The following NTM variants were observed in gnomAD, a reference collection of about 807,000 sequenced individuals.
NTM encodes neurotrimin.
NTM carries 13 observed loss-of-function variants against 42.1 expected under a neutral mutation model. The observed-to-expected ratio is 0.31, with a 90% CI of 0.20 to 0.49. The LOEUF (loss-of-function observed/expected upper bound fraction) is 0.49, where lower values mean the gene tolerates loss of function less well. Ranked by LOEUF, NTM falls within the 20% of genes least tolerant of loss-of-function variation. NTM has a pLI of 0.99. For synonymous variants in NTM, 187 were observed against 179.2 expected (o/e 1.04, Z -0.35); for missense variants, 373 against 452.8 (o/e 0.82, Z 1.60).
intron 1 of NTM, among the ~76,000 whole-genome samples, chr11:131,907,922 A>C (rs555021945): frequency 6.6e-6 from 1 of 152,334 alleles, no homozygotes; most frequent in African/African-American, 2.4e-5. Context: ...ATCTTTTCAA[A>C]CCACTTCAAT....
chr11:131,992,422 A>C (rs1315522666), intron 2 of NTM, among the ~76,000 whole-genome samples: 1 of 151,720 alleles, frequency 6.6e-6, no homozygotes, highest in Non-Finnish European at 1.5e-5. Flanking sequence ...TTTCAACTGC[A>C]TGGGGGTCCA....
chr11:132,091,471 T>G (rs1328199456), intron 2 of NTM, among the ~76,000 whole-genome samples: 1 of 152,058 alleles, frequency 6.6e-6, no homozygotes, highest in Admixed American at 6.6e-5. Flanking sequence ...TTTCTCAATT[T>G]TAACACATAC....
intron 1 of NTM, among the ~76,000 whole-genome samples, chr11:131,587,120 A>G (rs753178494): frequency 6.6e-6 from 1 of 152,122 alleles, no homozygotes; most frequent in Non-Finnish European, 1.5e-5. Context: ...CATGCTCTGG[A>G]GTGAGTTCTG....
At chr11:131,644,028 A>G (rs2065463263) in intron 1 of NTM, among the ~76,000 whole-genome samples, 1 of 152,240 alleles carries the variant, frequency 6.6e-6, no homozygotes. Flanking sequence ...TCCCAGGAGA[A>G]TACAGAGTGG....
intron 2 of NTM, among the ~76,000 whole-genome samples, chr11:132,079,328 T>G (rs1172845062): frequency 1.3e-5 from 2 of 152,206 alleles, no homozygotes; most frequent in African/African-American, 4.8e-5. Flanking sequence ...TAGTAAAACT[T>G]AGTGGACACA....
intron 2 of NTM, among the ~76,000 whole-genome samples, chr11:132,096,261 T>A (rs899216706): frequency 1.3e-5 from 2 of 151,908 alleles, no homozygotes; most frequent in Non-Finnish European, 1.5e-5. Context: ...AGTAACAGAG[T>A]GTGTTGTAAT....
intron 1 of NTM, among the ~76,000 whole-genome samples, chr11:131,441,619 A>G (rs1949633262): frequency 6.6e-6 from 1 of 152,194 alleles, no homozygotes; most frequent in Admixed American, 6.5e-5. Context: ...CAGCTCCGAT[A>G]TATCTCGTGT....
chr11:132,031,110 G>A lies in NTM; in HGVS notation c.168-115172G>A, dbSNP rs144430349. On this transcript the variant is annotated intron_variant, in intron 2 of 8. Coordinates refer to ENST00000683400, the MANE Select transcript of NTM (RefSeq NM_001352005.2). ...CGTGCAGGCCAAAGCAAGGCACAGA[G>A]CCAAGCTCCAAACACAGTGGTGGGA... Among the ~76,000 whole-genome samples, 999 of 152,292 alleles carry A rather than the reference G, an allele frequency of 6.6e-3. 10 individuals are homozygous for A. The highest frequency in any genetic ancestry group is 0.023 in the African/African-American group (947 of 41,568).
intron 2 of NTM, among the ~76,000 whole-genome samples, chr11:132,085,409 A>G (rs948733873): frequency 6.6e-6 from 1 of 152,216 alleles, no homozygotes; most frequent in Non-Finnish European, 1.5e-5. Context: ...CCAGGCCTTA[A>G]CAATTGTGAA....
At chr11:132,285,150 C>G (rs1377562874) in intron 4 of NTM, 1 of 152,548 alleles carries the variant, frequency 6.6e-6, no homozygotes, top group African/African-American at 2.4e-5. Flanking sequence ...TGGACTCCCC[C>G]TCTCTCAAGG....
intron 2 of NTM, among the ~76,000 whole-genome samples, chr11:132,048,917 G>A (rs2078441174): frequency 6.6e-6 from 1 of 150,806 alleles, no homozygotes; most frequent in South Asian, 2.1e-4. Context: ...GGCTTCTGAA[G>A]AGTCGGCCCT....
intron 1 of NTM, among the ~76,000 whole-genome samples, chr11:131,579,953 T>G (rs2058256399): frequency 6.6e-6 from 1 of 152,176 alleles, no homozygotes; most frequent in Admixed American, 6.5e-5. Context: ...CTGAGCAACA[T>G]TTTTCTCTGC....
intron 2 of NTM, among the ~76,000 whole-genome samples, chr11:132,083,894 G>C (rs546115099): frequency 6.6e-6 from 1 of 151,962 alleles, no homozygotes; most frequent in African/African-American, 2.4e-5. Context: ...TTTTTCACAG[G>C]AGTCTACCTT....
chr11:132,036,352 G>A (rs189290086), intron 2 of NTM, among the ~76,000 whole-genome samples: 16 of 152,214 alleles, frequency 1.1e-4, no homozygotes, highest in African/African-American at 3.6e-4. Flanking sequence ...GGCAGCATGG[G>A]GGAAATTGGG....
chr11:131,589,228 C>T (rs186501365), intron 1 of NTM, among the ~76,000 whole-genome samples: 60 of 148,254 alleles, frequency 4.0e-4, no homozygotes, highest in African/African-American at 1.5e-3. Context: ...TGGGAAGGCA[C>T]GAGGCTAGAA....
At chr11:131,541,427 A>C (rs1167469937) in intron 1 of NTM, among the ~76,000 whole-genome samples, 1 of 152,222 alleles carries the variant, frequency 6.6e-6, no homozygotes, top group Non-Finnish European at 1.5e-5. Flanking sequence ...TCTGGAATAT[A>C]TGTTACCTAC....
intron 1 of NTM, among the ~76,000 whole-genome samples, chr11:131,525,176 T>C (rs12223756): frequency 0.07 from 10,706 of 152,162 alleles, 410 homozygotes; most frequent in Middle Eastern, 0.16. Flanking sequence ...TCCAGCAGGA[T>C]TGATCCCCAA....
At chr11:131,504,203 T>C (rs2047197906) in intron 1 of NTM, among the ~76,000 whole-genome samples, 1 of 152,140 alleles carries the variant, frequency 6.6e-6, no homozygotes, top group South Asian at 2.1e-4. Context: ...GTCCTCACCC[T>C]TCCTATCTCT....
intron 1 of NTM, among the ~76,000 whole-genome samples, chr11:131,702,703 TA>T (rs1357629511): frequency 1.3e-5 from 2 of 152,226 alleles, no homozygotes; most frequent in African/African-American, 2.4e-5. Flanking sequence ...TTAAACAAAA[TA>T]GTGATAATTT....
Sources: gnomAD v4.1 joint callset for allele counts (sites outside exome capture counted in the v4.1 genomes callset) on GRCh38, gnomAD v4.1.1 for gene constraint, MANE v1.5 for transcripts, NCBI Gene and HGNC (gene_info 2026-07-23, HGNC 2026-07-21) for gene names.